Variants in TPGS2 observed in about 807,000 individuals in gnomAD.
TPGS2 encodes the protein polyglutamylase subunit 2.
A neutral mutation model predicts 31.1 loss-of-function variants in TPGS2; 26 were observed. The observed-to-expected ratio is 0.84, with a 90% CI of 0.61 to 1.16. The LOEUF (loss-of-function observed/expected upper bound fraction) is 1.16, where lower values mean the gene tolerates loss of function less well. TPGS2 is among the 50% of genes most tolerant of loss of function. The probability of loss-of-function intolerance (pLI) is 0.00; values close to 1 mark genes in which losing one functional copy is unlikely to be tolerated. For synonymous variants in TPGS2, 130 were observed against 136.6 expected (o/e 0.95, Z 0.34); for missense variants, 351 against 363.8 (o/e 0.96, Z 0.29).
In TPGS2 at chr18:36,794,155, TA is replaced by T; in HGVS notation, c.*2649del. 1.9e-6 allele frequency: 1 copy of T among 537,664 alleles called. No homozygotes were observed. Among genetic ancestry groups the T allele is most frequent in the Non-Finnish European group, 2.4e-6 (1 of 420,954 alleles). The allele number at this position is 537,664 out of a possible 1,614,324, so 33.3% of individuals were successfully genotyped here. A position where few individuals can be genotyped will look rare whatever the true frequency, so the allele number is the denominator to read the frequency against. ...AGTTAGAACAGCATTAAGTAGCAAA[TA>T]AAAAACACAGCCATAACAAGTTGAG... is the stretch of plus-strand genomic sequence containing the variant. On this transcript the variant is annotated 3_prime_UTR_variant, in exon 7 of 7. Coordinates refer to ENST00000334295, the MANE Select transcript of TPGS2 (RefSeq NM_015476.4).
At chr18:36,786,699 A>G (rs1306193719) in intron 6 of TPGS2, 9 of 665,534 alleles carry the variant, frequency 1.4e-5, no homozygotes, top group Non-Finnish European at 1.7e-5. Context: ...GGGAGGGGGT[A>G]TGATGAGGTG....
intron 6 of TPGS2, among the ~76,000 whole-genome samples, chr18:36,784,130 G>A (rs72883555): frequency 0.12 from 18,041 of 152,194 alleles, 1,327 homozygotes; most frequent in Admixed American, 0.17. Flanking sequence ...TAAAACTAAT[G>A]TTGAACTGCT....
intron 6 of TPGS2, chr18:36,783,244 C>G (rs2044057227): frequency 2.6e-6 from 1 of 387,200 alleles, no homozygotes; most frequent in South Asian, 1.4e-4. Flanking sequence ...CTCATTCTGA[C>G]AGCCTCTATG....
At chr18:36,824,882 T>C (rs1394217814) in intron 1 of TPGS2, among the ~76,000 whole-genome samples, 1 of 152,212 alleles carries the variant, frequency 6.6e-6, no homozygotes, top group African/African-American at 2.4e-5. Flanking sequence ...ATTTTTCTTT[T>C]GTTGCTTATG....
downstream of TPGS2, among the ~76,000 whole-genome samples, chr18:36,792,378 T>A (rs2150541858): frequency 6.6e-6 from 1 of 152,364 alleles, no homozygotes; most frequent in Admixed American, 6.5e-5. Flanking sequence ...GGGGATTCAT[T>A]ATGCTCTTCT....
chr18:36,801,432 C>T (rs1400155205), intron 4 of TPGS2, among the ~76,000 whole-genome samples: 1 of 152,116 alleles, frequency 6.6e-6, no homozygotes, highest in Admixed American at 6.5e-5. Context: ...CTCCTGGGTT[C>T]AAGCAATCCT....
At chr18:36,788,790 TAATC>T (rs1330836159) in intron 6 of TPGS2, 2 of 152,216 alleles carry the variant, frequency 1.3e-5, no homozygotes, top group Non-Finnish European at 2.9e-5. Flanking sequence ...CAATGTGTAA[TAATC>T]AAATCATGGA....
At position 36,795,395 on chromosome 18, in the gene TPGS2, C is replaced by G; in HGVS notation, c.*1410G>C. The G allele has an allele frequency of 2.0e-6, 2 of 985,322 alleles. No individual in the cohort carries two copies. Among genetic ancestry groups the G allele is most frequent in the Non-Finnish European group, 2.4e-6 (2 of 829,924 alleles). 61.0% of individuals were successfully genotyped at this position (985,322 alleles called of 1,614,324 possible). Reference sequence around the variant, plus strand: ...GACTGAAGTGTGCAGATGGTAGAGGCCCCTGCACCTCATTCCTCAAAACTC... The same window carrying G: ...GACTGAAGTGTGCAGATGGTAGAGGGCCCTGCACCTCATTCCTCAAAACTC... On this transcript the variant is annotated 3_prime_UTR_variant, in exon 7 of 7. Coordinates refer to ENST00000334295, the MANE Select transcript of TPGS2 (RefSeq NM_015476.4).
At position 36,795,837 on chromosome 18, in the gene TPGS2, T is replaced by TGAA; in HGVS notation, c.*965_*967dup. ...AGTGAGGCTGGACAACTCAGAGCTG[T>TGAA]GAAGAGGCAGGCAGAGCAGGTGGAA... On this transcript the variant is annotated 3_prime_UTR_variant, in exon 7 of 7. Transcript: ENST00000334295. The TGAA allele has an allele frequency of 1.0e-6, 1 of 985,482 alleles. No individual in the cohort carries two copies. Among genetic ancestry groups the TGAA allele is most frequent in the Middle Eastern group, 5.2e-4 (1 of 1,914 alleles). 61.0% of individuals were successfully genotyped at this position (985,482 alleles called of 1,614,324 possible). A position where few individuals can be genotyped will look rare whatever the true frequency, so the allele number is the denominator to read the frequency against.
At chr18:36,817,861 A>T (rs2045725278) in intron 2 of TPGS2, 1 of 152,216 alleles carries the variant, frequency 6.6e-6, no homozygotes, top group Non-Finnish European at 1.5e-5. Flanking sequence ...GCAGGTATTT[A>T]TTAAATGGTA....
At chr18:36,824,052 C>A (rs962553691) in intron 1 of TPGS2, among the ~76,000 whole-genome samples, 2 of 152,336 alleles carry the variant, frequency 1.3e-5, no homozygotes, top group Non-Finnish European at 2.9e-5. Context: ...CTCCTACCAG[C>A]CTCTGGCAAC....
At chr18:36,780,299 A>T (rs143047676), downstream of TPGS2, 198 of 779,946 alleles carry the variant, frequency 2.5e-4, no homozygotes, top group African/African-American at 3.2e-3. Flanking sequence ...TTAACCTAAC[A>T]TCTATCACCT....
At chr18:36,822,809 G>C (rs1469593752) in intron 1 of TPGS2, among the ~76,000 whole-genome samples, 2 of 152,080 alleles carry the variant, frequency 1.3e-5, no homozygotes, top group East Asian at 1.9e-4. Flanking sequence ...ATGTTGCCCA[G>C]GCTTGTCTTG....
At chr18:36,781,676 C>G (rs192733554), downstream of TPGS2, 21 of 846,220 alleles carry the variant, frequency 2.5e-5, no homozygotes, top group African/African-American at 3.8e-4. Context: ...ACTCTGCATT[C>G]CTGAACCTGG....
rs201198255 is a variant in TPGS2, at chr18:36,798,435, T to C, written c.657+14A>G. On this transcript the variant is annotated intron_variant, in intron 6 of 6. Coordinates refer to ENST00000334295, the MANE Select transcript of TPGS2 (RefSeq NM_015476.4). ...ATATACCATAGTTTACAATGGCAGG[T>C]GTTCCTCCCTTACCTTGGCCTGTGG... is the stretch of plus-strand genomic sequence containing the variant. 2 of 1,613,104 alleles carry C rather than the reference T, an allele frequency of 1.2e-6. No homozygotes were observed. Among genetic ancestry groups the C allele is most frequent in the African/African-American group, 2.7e-5 (2 of 74,944 alleles).
chr18:36,792,147 T>C (rs2150540446), downstream of TPGS2, among the ~76,000 whole-genome samples: 1 of 152,298 alleles, frequency 6.6e-6, no homozygotes, highest in East Asian at 1.9e-4. Context: ...GGCCAGACTT[T>C]ACTAGACAAA....
chr18:36,780,048 T>C (rs2043963911), downstream of TPGS2: 6 of 893,588 alleles, frequency 6.7e-6, no homozygotes, highest in Non-Finnish European at 8.8e-6. Context: ...TAAATAGAGT[T>C]TAATGCCATA....
chr18:36,796,721 C>G lies in TPGS2; in HGVS notation c.*84G>C, dbSNP rs185748941. The G allele has an allele frequency of 2.0e-6, 3 of 1,513,940 alleles. No individual in the cohort carries two copies. The highest frequency in any genetic ancestry group is 1.4e-5 in the South Asian group (1 of 72,008). The allele number at this position is 1,513,940 out of a possible 1,614,324, so 93.8% of individuals were successfully genotyped here. The stretch of plus-strand genomic sequence containing the variant: ...ACTAGAAAGAGGCCTACGGTCCACA[C>G]GCAAAACTGGAGGTCACCCCTAGGG... On this transcript the variant is annotated 3_prime_UTR_variant, in exon 7 of 7. Transcript: ENST00000334295.
intron 4 of TPGS2, among the ~76,000 whole-genome samples, chr18:36,801,241 A>G (rs1371777576): frequency 6.6e-6 from 1 of 152,246 alleles, no homozygotes; most frequent in East Asian, 1.9e-4. Context: ...ATTGCTCTTC[A>G]AAAAGGACTT....
Sources: gnomAD v4.1 joint callset for allele counts (sites outside exome capture counted in the v4.1 genomes callset) on GRCh38, gnomAD v4.1.1 for gene constraint, MANE v1.5 for transcripts, NCBI Gene and HGNC (gene_info 2026-07-23, HGNC 2026-07-21) for gene names.